Variants in TENM1 observed in about 807,000 individuals in gnomAD.
TENM1 encodes the protein teneurin transmembrane protein 1.
In TENM1, 35 loss-of-function variants were observed where a neutral mutation model predicts 174.8. The ratio of observed to expected loss-of-function variants is 0.20; its 90% CI spans 0.15 to 0.27. The LOEUF is 0.27. Ranked by LOEUF, TENM1 falls within the 10% of genes least tolerant of loss-of-function variation. The probability of loss-of-function intolerance (pLI) is 1.00; values close to 1 mark genes in which losing one functional copy is unlikely to be tolerated. For synonymous variants in TENM1, 781 were observed against 798.7 expected (o/e 0.98, Z 0.37); for missense variants, 1,633 against 2,130.1 (o/e 0.77, Z 4.59).
chrX:124,509,970 C>T (rs574060963), intron 18 of TENM1, among the ~76,000 whole-genome samples: 4 of 111,679 alleles, frequency 3.6e-5, no homozygotes, highest in East Asian at 2.8e-4. Context: ...GTCATCCACC[C>T]GCCTTGGCCT....
intron 27 of TENM1, among the ~76,000 whole-genome samples, chrX:124,394,739 T>C (rs1365903088): frequency 5.3e-5 from 6 of 112,663 alleles, no homozygotes; most frequent in African/African-American, 1.6e-4. Flanking sequence ...TCTCTGTGCA[T>C]ACATTTAAAA....
At chrX:124,951,538 T>A (rs2058483575) in intron 1 of TENM1, among the ~76,000 whole-genome samples, 2 of 107,529 alleles carry the variant, frequency 1.9e-5, no homozygotes, top group African/African-American at 6.8e-5. Context: ...GGTTATGAAC[T>A]TGGACTTCAG....
At chrX:124,926,496 T>C (rs1682226766) in intron 1 of TENM1, among the ~76,000 whole-genome samples, 1 of 111,681 alleles carries the variant, frequency 9.0e-6, no homozygotes, top group South Asian at 3.8e-4. Flanking sequence ...TCTATAGACT[T>C]GGAATTATAT....
At chrX:124,987,299 A>G in the TENM1 span, among the ~76,000 whole-genome samples, 2 of 111,691 alleles carry the variant, frequency 1.8e-5, no homozygotes, top group Admixed American at 9.6e-5. Context: ...TCTGACTTCT[A>G]TAAATCTACC....
intron 1 of TENM1, among the ~76,000 whole-genome samples, chrX:124,913,607 A>C (rs757579281): frequency 8.9e-6 from 1 of 112,082 alleles, no homozygotes; most frequent in South Asian, 3.7e-4. Flanking sequence ...TTTATGCTTT[A>C]TGTAACACAA....
the TENM1 span, among the ~76,000 whole-genome samples, chrX:125,011,579 T>C: frequency 8.1e-5 from 9 of 111,655 alleles, no homozygotes; most frequent in Non-Finnish European, 1.5e-4. Flanking sequence ...AACAGACATA[T>C]GAAAAAAAGC....
chrX:124,934,835 C>G (rs910737304), intron 1 of TENM1, among the ~76,000 whole-genome samples: 6 of 111,725 alleles, frequency 5.4e-5, no homozygotes, highest in African/African-American at 2.0e-4. Flanking sequence ...GAGAATGTGA[C>G]TATGAACATT....
intron 3 of TENM1, among the ~76,000 whole-genome samples, chrX:124,765,256 G>A (rs1603164286): frequency 8.9e-6 from 1 of 111,939 alleles, no homozygotes; most frequent in African/African-American, 3.2e-5. Context: ...TCAGATTTTG[G>A]ACATGCACGC....
chrX:124,936,290 G>A (rs1323714088), intron 1 of TENM1, among the ~76,000 whole-genome samples: 6 of 111,299 alleles, frequency 5.4e-5, no homozygotes, highest in South Asian at 3.8e-4. Flanking sequence ...AAACTCTTTC[G>A]TGCCTTATAG....
At chrX:124,582,157 AG>A (rs1461024386) in intron 11 of TENM1, among the ~76,000 whole-genome samples, 5 of 111,629 alleles carry the variant, frequency 4.5e-5, no homozygotes, top group African/African-American at 1.6e-4. Context: ...TTCCTGTGTT[AG>A]TTTGCTGAGG....
At chrX:125,140,009 G>C in the TENM1 span, among the ~76,000 whole-genome samples, 2 of 110,862 alleles carry the variant, frequency 1.8e-5, no homozygotes, top group African/African-American at 6.6e-5. Flanking sequence ...TATATTACTG[G>C]GCATTAAAGT....
At chrX:125,016,058 A>T in the TENM1 span, among the ~76,000 whole-genome samples, 7 of 110,317 alleles carry the variant, frequency 6.3e-5, no homozygotes, top group African/African-American at 9.9e-5. Flanking sequence ...TCCTCCAAAA[A>T]TTTTTTTTTA....
At chrX:124,757,063 G>A (rs767800326) in intron 3 of TENM1, among the ~76,000 whole-genome samples, 59 of 112,544 alleles carry the variant, frequency 5.2e-4, no homozygotes, top group African/African-American at 1.8e-3. Flanking sequence ...GGTTACTGCT[G>A]TCTTTTTGTT....
At chrX:124,859,806 T>C (rs2056881078) in intron 3 of TENM1, among the ~76,000 whole-genome samples, 1 of 111,736 alleles carries the variant, frequency 8.9e-6, no homozygotes, top group South Asian at 3.7e-4. Context: ...AGTTGGAAAA[T>C]GTGACATTTA....
Position 124,630,560 on chromosome X carries a change from T to A in TENM1, c.2077+11231A>T, listed in dbSNP as rs746607885. Among the ~76,000 whole-genome samples, 13 of 111,999 alleles carry A rather than the reference T, an allele frequency of 1.2e-4. 1 individual carries two copies. The South Asian group carries it at 4.9e-3, about 43-fold the overall frequency. The stretch of plus-strand genomic sequence containing the variant: ...AAATGTGAATTTAGGTTACAAATAG[T>A]TTGCAGATGTGTAAATTGAGACCCA... On this transcript the variant is annotated intron_variant, in intron 11 of 31. Transcript: ENST00000422452.
At chrX:124,585,561 C>A (rs1346461771) in intron 11 of TENM1, among the ~76,000 whole-genome samples, 1 of 111,057 alleles carries the variant, frequency 9.0e-6, no homozygotes, top group Admixed American at 9.5e-5. Flanking sequence ...ATTTATAGCA[C>A]TAAATGCCCA....
the TENM1 span, among the ~76,000 whole-genome samples, chrX:125,186,003 C>T: frequency 3.6e-5 from 4 of 111,327 alleles, no homozygotes; most frequent in African/African-American, 1.3e-4. Flanking sequence ...TCCACATAGA[C>T]TCTCTCAACT....
At chrX:125,173,362 T>G in the TENM1 span, among the ~76,000 whole-genome samples, 1 of 111,908 alleles carries the variant, frequency 8.9e-6, no homozygotes, top group Non-Finnish European at 1.9e-5. Flanking sequence ...TTAAAGTGAA[T>G]GAGGCAAGTC....
At chrX:124,471,391 T>C (rs2061320614) in intron 22 of TENM1, among the ~76,000 whole-genome samples, 1 of 27,481 alleles carries the variant, frequency 3.6e-5, no homozygotes, top group African/African-American at 1.5e-4. Flanking sequence ...TATAGTACTA[T>C]ATATAATATA....
Sources: gnomAD v4.1 joint callset for allele counts (sites outside exome capture counted in the v4.1 genomes callset) on GRCh38, gnomAD v4.1.1 for gene constraint, MANE v1.5 for transcripts, NCBI Gene and HGNC (gene_info 2026-07-23, HGNC 2026-07-21) for gene names.